Variants in XKR9 observed in about 807,000 individuals in gnomAD.
The protein encoded by XKR9 is XK-related protein 9.
A neutral mutation model predicts 32.0 loss-of-function variants in XKR9; 32 were observed. The observed-to-expected ratio is 1.00, with a 90% confidence interval of 0.76 to 1.34. XKR9 has a LOEUF of 1.34. XKR9 is among the 40% of genes most tolerant of loss of function. The probability of loss-of-function intolerance (pLI) is 0.00; values close to 1 mark genes in which losing one functional copy is unlikely to be tolerated. For synonymous variants in XKR9, 168 were observed against 143.4 expected (o/e 1.17, Z -1.22); for missense variants, 546 against 429.7 (o/e 1.27, Z -2.39).
the XKR9 span, among the ~76,000 whole-genome samples, chr8:70,831,822 C>A: frequency 6.6e-6 from 1 of 152,132 alleles, no homozygotes; most frequent in Non-Finnish European, 1.5e-5. Flanking sequence ...ATCTAACTTA[C>A]TCAAAGCCTC....
chr8:70,987,150 C>G, the XKR9 span, among the ~76,000 whole-genome samples: 2 of 152,134 alleles, frequency 1.3e-5, no homozygotes, highest in Non-Finnish European at 2.9e-5. Flanking sequence ...TGGGTGGGGA[C>G]ACAGCCAAAC....
chr8:70,739,723 A>C (rs1286096635), downstream of XKR9, among the ~76,000 whole-genome samples: 1 of 152,098 alleles, frequency 6.6e-6, no homozygotes, highest in East Asian at 1.9e-4. Flanking sequence ...TCCTTCACTT[A>C]TTAAGCTTAG....
chr8:71,021,781 G>A, the XKR9 span, among the ~76,000 whole-genome samples: 9 of 152,206 alleles, frequency 5.9e-5, no homozygotes, highest in South Asian at 2.1e-4. Context: ...GATTACAGGC[G>A]TGAGCCACCG....
At chr8:70,829,416 A>G in the XKR9 span, among the ~76,000 whole-genome samples, 1 of 152,272 alleles carries the variant, frequency 6.6e-6, no homozygotes, top group East Asian at 1.9e-4. Context: ...GGGTTTGACC[A>G]TTTTTAAAGC....
the XKR9 span, among the ~76,000 whole-genome samples, chr8:70,901,278 G>C: frequency 2.6e-5 from 4 of 152,210 alleles, no homozygotes; most frequent in Non-Finnish European, 5.9e-5. Context: ...CCCAGCAACA[G>C]TGTTAAAGTG....
chr8:70,986,017 T>A, the XKR9 span, among the ~76,000 whole-genome samples: 181 of 152,290 alleles, frequency 1.2e-3, 1 homozygote, highest in Non-Finnish European at 3.5e-4. Flanking sequence ...AAATTCCTTA[T>A]ATCAGGAAAC....
chr8:71,007,289 G>C, the XKR9 span, among the ~76,000 whole-genome samples: 4 of 152,140 alleles, frequency 2.6e-5, no homozygotes, highest in African/African-American at 9.7e-5. Flanking sequence ...ATACATTTTA[G>C]GTGATTCAGC....
chr8:70,980,317 A>G, the XKR9 span, among the ~76,000 whole-genome samples: 1 of 152,176 alleles, frequency 6.6e-6, no homozygotes, highest in African/African-American at 2.4e-5. Flanking sequence ...TCAGTTGGAA[A>G]TACAGAAATC....
chr8:70,909,302 T>C, the XKR9 span, among the ~76,000 whole-genome samples: 4 of 152,172 alleles, frequency 2.6e-5, no homozygotes, highest in Non-Finnish European at 5.9e-5. Flanking sequence ...ATGCTGTTTC[T>C]TGTTTGTATG....
At chr8:70,806,497 A>G in the XKR9 span, among the ~76,000 whole-genome samples, 6 of 152,292 alleles carry the variant, frequency 3.9e-5, 1 homozygote, top group East Asian at 9.7e-4. Flanking sequence ...TTCTAACCCA[A>G]TGCAAAGGAG....
the XKR9 span, among the ~76,000 whole-genome samples, chr8:70,871,623 C>A: frequency 6.6e-6 from 1 of 152,116 alleles, no homozygotes; most frequent in African/African-American, 2.4e-5. Context: ...TCTGATTGCC[C>A]TACTGACCAA....
chr8:71,064,347 G>T, the XKR9 span, among the ~76,000 whole-genome samples: 1 of 151,950 alleles, frequency 6.6e-6, no homozygotes, highest in Non-Finnish European at 1.5e-5. Flanking sequence ...CAGTAAATAT[G>T]TTATAAAGTT....
chr8:70,921,694 A>G, the XKR9 span, among the ~76,000 whole-genome samples: 4 of 152,218 alleles, frequency 2.6e-5, no homozygotes, highest in African/African-American at 9.6e-5. Flanking sequence ...ACAAGTTTAT[A>G]TCTTATATCT....
chr8:70,871,952 T>G, the XKR9 span, among the ~76,000 whole-genome samples: 1 of 152,208 alleles, frequency 6.6e-6, no homozygotes, highest in Non-Finnish European at 1.5e-5. Context: ...ACTAGAAAGT[T>G]CCAACTTTTC....
chr8:70,679,299 A>G (rs1273279533), intron 2 of XKR9, among the ~76,000 whole-genome samples: 4 of 152,244 alleles, frequency 2.6e-5, no homozygotes, highest in Non-Finnish European at 5.9e-5. Context: ...TAGCAAGGTA[A>G]TAATGATAAC....
the XKR9 span, among the ~76,000 whole-genome samples, chr8:70,847,982 T>G: frequency 6.6e-6 from 1 of 152,026 alleles, no homozygotes; most frequent in East Asian, 1.9e-4. Flanking sequence ...CCAACACTAC[T>G]CTGATACCAA....
downstream of XKR9, among the ~76,000 whole-genome samples, chr8:70,794,786 T>C (rs1807807428): frequency 6.6e-6 from 1 of 151,242 alleles, no homozygotes. Context: ...GATTTTTGTG[T>C]CTATATTCGT....
At chr8:70,696,560 G>C (rs1431888160) in intron 3 of XKR9, among the ~76,000 whole-genome samples, 2 of 149,354 alleles carry the variant, frequency 1.3e-5, no homozygotes, top group African/African-American at 4.9e-5. Context: ...TTTGGTACCA[G>C]TACCATGCTG....
chr8:70,873,256 C>T, the XKR9 span, among the ~76,000 whole-genome samples: 2 of 152,178 alleles, frequency 1.3e-5, no homozygotes, highest in Admixed American at 6.6e-5. Flanking sequence ...CCTGCTAACA[C>T]AATTTCCATT....
Sources: gnomAD v4.1 joint callset for allele counts (sites outside exome capture counted in the v4.1 genomes callset) on GRCh38, gnomAD v4.1.1 for gene constraint, MANE v1.5 for transcripts, NCBI Gene and HGNC (gene_info 2026-07-23, HGNC 2026-07-21) for gene names.